IL17RE: variants seen among roughly 807,000 people sequenced by gnomAD.
The protein encoded by IL17RE is interleukin 17 receptor E, also known as interleukin-17 receptor E.
In IL17RE, 47 loss-of-function variants were observed where a neutral mutation model predicts 70.7. The observed-to-expected ratio is 0.67, with a 90% confidence interval of 0.53 to 0.85. IL17RE has a LOEUF of 0.85. Ranked by LOEUF, IL17RE falls within the 40% of genes least tolerant of loss-of-function variation. The pLI is 0.00. For missense variants in IL17RE, 850 were observed against 893.9 expected, an observed-to-expected ratio of 0.95 and a Z score of 0.63; for synonymous variants, 372 against 381.2, an observed-to-expected ratio of 0.98 and a Z score of 0.28.
At chr3:9,903,883 G>A (rs1559266118) in intron 2 of IL17RE, 149 bp from the exon 3 acceptor site, 8 of 920,820 alleles carry the variant, frequency 8.7e-6, no homozygotes, top group Non-Finnish European at 6.7e-6. Flanking sequence ...CCCGCTTTAT[G>A]AATGAGGAAT....
At chr3:9,907,871 A>G (rs2125079651) in intron 6 of IL17RE, among the ~76,000 whole-genome samples, 1 of 152,234 alleles carries the variant, frequency 6.6e-6, no homozygotes, top group Admixed American at 6.5e-5. Context: ...ACTGCTGTTG[A>G]ACCCCTGAGG....
At chr3:9,907,245 A>T (rs2082781390) in intron 6 of IL17RE, 145 bp downstream of exon 6, 1 of 1,121,760 alleles carries the variant, frequency 8.9e-7, no homozygotes. Flanking sequence ...TCTATCATTA[A>T]GACTTCTTTG....
intron 15 of IL17RE, among the ~76,000 whole-genome samples, 194 bp downstream of exon 15, chr3:9,914,971 T>A (rs1316264982): frequency 1.6e-4 from 25 of 152,250 alleles, no homozygotes; most frequent in Admixed American, 1.6e-3. Context: ...GTCACTGTAC[T>A]GAGTCTCTGT....
rs866282561 is a variant in IL17RE, at chr3:9,914,752, C to G, written c.1422C>G (p.Ala474=). Residue 474 remains alanine (A), a synonymous_variant, in exon 15 of 16, where the codon GCC becomes GCG. Coordinates refer to ENST00000383814, the MANE Select transcript of IL17RE (RefSeq NM_153480.2). ...TCACCCTACTGGGTGTTGTTCTGGC[C>G]CTCACCTGCCGGCGCCCACAGTCAG... The part of the protein sequence containing the change: ...ALLTLLGVVL[A]LTCRRPQSGP... The G allele has an allele frequency of 6.2e-7, 1 of 1,613,788 alleles. No individual in the cohort carries two copies. The highest frequency in any genetic ancestry group is 1.3e-5 in the African/African-American group (1 of 74,884).
chr3:9,913,171 G>C (rs1311407961), intron 12 of IL17RE, among the ~76,000 whole-genome samples: 1 of 152,144 alleles, frequency 6.6e-6, no homozygotes, highest in Non-Finnish European at 1.5e-5. Context: ...TTGGGAGGCT[G>C]AGGAGGGCAG....
In IL17RE at chr3:9,904,184, T is replaced by A. The variant is rs763116713; in HGVS notation, c.268+33T>A. 3.7e-6 allele frequency: 6 copies of A among 1,609,294 alleles called. No individual in the cohort carries two copies. The South Asian group carries it at 5.5e-5, about 15-fold the overall frequency. On this transcript the variant is annotated intron_variant, in intron 3 of 15. Coordinates refer to ENST00000383814, the MANE Select transcript of IL17RE (RefSeq NM_153480.2). ...AAACAGCCCCTTGGGCCATTCTCAGTGAAGAGAACATTTTGAGGGACCACC... is the reference window on the plus strand; with the variant it reads ...AAACAGCCCCTTGGGCCATTCTCAGAGAAGAGAACATTTTGAGGGACCACC...
chr3:9,912,794 A>G (rs927182146), intron 12 of IL17RE, among the ~76,000 whole-genome samples: 4 of 152,194 alleles, frequency 2.6e-5, no homozygotes, highest in African/African-American at 9.7e-5. Flanking sequence ...GTGTGAGCTC[A>G]GGAGTCCAAG....
At position 9,915,510 on chromosome 3, in the gene IL17RE, C is replaced by T; in HGVS notation, c.1707C>T (p.Gly569=). Residue 569 remains glycine (G), a synonymous_variant, in exon 16 of 16, where the codon GGC becomes GGT. Transcript: ENST00000383814. This position sits in a 1 kb window ranked among gnomAD's most constrained non-coding sequence, Gnocchi z 4.9. ...WSGADLRPVS[G]PDPRAAPLLA... is the part of the protein sequence containing the mutation. The stretch of plus-strand genomic sequence containing the variant: ...GCGCCGACCTTCGCCCGGTCAGCGG[C>T]CCCGACCCCCGCGCCGCGCCCCTGC... 7.6e-7 allele frequency: 1 copy of T among 1,316,474 alleles called. No individual in the cohort carries two copies. The allele number at this position is 1,316,474 out of a possible 1,614,324, so 81.5% of individuals were successfully genotyped here.
At chr3:9,904,597 C>G (rs955680960) in intron 3 of IL17RE, among the ~76,000 whole-genome samples, 2 of 152,108 alleles carry the variant, frequency 1.3e-5, no homozygotes, top group African/African-American at 2.4e-5. Flanking sequence ...CCAGTCTGGA[C>G]AACATTGTGA....
At position 9,905,861 on chromosome 3, in the gene IL17RE, T is replaced by G. The variant is rs116522752; in HGVS notation, c.269-503T>G. ...AAGAATGCTAAAATGAATATCTTTG[T>G]ATATATAGCTTTTTCTCTGCTTAAG... is the stretch of plus-strand genomic sequence containing the variant. On this transcript the variant is annotated intron_variant, in intron 3 of 15. Transcript: ENST00000383814. Among the ~76,000 whole-genome samples the G allele has an allele frequency of 2.4e-3, 364 of 152,270 alleles. 1 individual carries two copies. Among genetic ancestry groups the G allele is most frequent in the African/African-American group, 7.6e-3 (318 of 41,572 alleles).
rs200239900 is a variant in IL17RE, at chr3:9,914,042, C to A, written c.1296+18C>A. ...GTGTCCTGGTAAGGAAACCTACCCT[C>A]ACTCTACATACAGAGCCTTGGCATC... is the stretch of plus-strand genomic sequence containing the variant. On this transcript the variant is annotated intron_variant, in intron 13 of 15. Coordinates refer to ENST00000383814, the MANE Select transcript of IL17RE (RefSeq NM_153480.2). The A allele has an allele frequency of 6.3e-6, 10 of 1,590,082 alleles. No homozygotes were observed. The African/African-American group carries it at 9.4e-5, about 15-fold the overall frequency.
In IL17RE at chr3:9,914,762, C is replaced by G. The variant is rs368250337; in HGVS notation, c.1432C>G (p.Arg478Gly). The part of the protein sequence containing the change: ...LLGVVLALTC[R>G]RPQSGPGPAR... Reference sequence around the variant, plus strand: ...GGGTGTTGTTCTGGCCCTCACCTGCCGGCGCCCACAGTCAGGTAAGCTCAC... The same window carrying G: ...GGGTGTTGTTCTGGCCCTCACCTGCGGGCGCCCACAGTCAGGTAAGCTCAC... Residue 478 changes from arginine to glycine, a missense_variant, in exon 15 of 16, where the codon CGG (arginine) becomes GGG (glycine). By Grantham distance (125) the Arg-to-Gly change is moderately radical. Transcript: ENST00000383814. The G allele has an allele frequency of 9.3e-6, 15 of 1,613,682 alleles. No individual in the cohort carries two copies. Among genetic ancestry groups the G allele is most frequent in the Non-Finnish European group, 1.2e-5 (14 of 1,179,974 alleles).
chr3:9,907,194 A>G (rs979753576), intron 6 of IL17RE, 94 bp downstream of exon 6: 40 of 1,505,834 alleles, frequency 2.7e-5, no homozygotes, highest in Non-Finnish European at 3.6e-5. Context: ...AGGCCCAGAG[A>G]GGGATGGTAA....
In IL17RE at chr3:9,914,676, C is replaced by T. The variant is rs1249451099; in HGVS notation, c.1349-3C>T. Reference sequence around the variant, plus strand: ...GGGCTTGGCCTCATCCTGCTTGACTCAGTCTCTTACAGACACCTGGGGCTC... The same window carrying T: ...GGGCTTGGCCTCATCCTGCTTGACTTAGTCTCTTACAGACACCTGGGGCTC... On this transcript the variant is annotated splice_polypyrimidine_tract_variant and splice_region_variant and intron_variant, in intron 14 of 15. Coordinates refer to ENST00000383814, the MANE Select transcript of IL17RE (RefSeq NM_153480.2). The T allele has an allele frequency of 3.1e-6, 5 of 1,613,928 alleles. 1 individual carries two copies. The African/African-American group carries it at 4.0e-5, about 13-fold the overall frequency.
Position 9,915,136 on chromosome 3 carries a change from GGGCGGGGGC to G in IL17RE, c.1448-112_1448-104del. Reference sequence around the variant, plus strand: ...GGTACCAACCCCCAGAGCAAATAAGGGGCGGGGGCGGGGGCGGAGAGGCGAGCACCCTAC... The same window carrying G: ...GGTACCAACCCCCAGAGCAAATAAGGGGGGGCGGAGAGGCGAGCACCCTAC... On this transcript the variant is annotated intron_variant, in intron 15 of 15. Coordinates refer to ENST00000383814, the MANE Select transcript of IL17RE (RefSeq NM_153480.2). The surrounding 1 kb of genome is among the most constrained non-coding windows in gnomAD (Gnocchi z 4.9). 7.8e-7 allele frequency: 1 copy of G among 1,285,772 alleles called. No individual in the cohort carries two copies. Among genetic ancestry groups the G allele is most frequent in the Non-Finnish European group, 9.8e-7 (1 of 1,016,980 alleles). 79.6% of individuals were successfully genotyped at this position (1,285,772 alleles called of 1,614,324 possible). A position where few individuals can be genotyped will look rare whatever the true frequency, so the allele number is the denominator to read the frequency against.
At chr3:9,902,556 G>T (rs1398096757), upstream of IL17RE, 18 of 1,405,134 alleles carry the variant, frequency 1.3e-5, no homozygotes, top group African/African-American at 2.6e-4. Context: ...ACAAGTTCCA[G>T]AGTGTGCTGA....
rs1026570305 is a variant in IL17RE, at chr3:9,915,465, T to G, written c.1662T>G (p.Thr554=). The change falls in exon 16 of 16, where the codon ACT becomes ACG. Residue 554 remains threonine, a synonymous_variant. Transcript: ENST00000383814. The surrounding 1 kb of genome is among the most constrained non-coding windows in gnomAD (Gnocchi z 4.9). ...CGCGCGTAGCGCGGGAGCAGGGCAC[T>G]GTGCTGCTGCTGTGGAGCGGCGCCG... ...ARTRVAREQG[T]VLLLWSGADL... is the part of the protein sequence containing the mutation. 40 of 1,340,748 alleles carry G rather than the reference T, an allele frequency of 3.0e-5. 2 individuals carry two copies. In the Admixed American group the frequency reaches 7.6e-4, roughly 25 times the overall value. The allele number at this position is 1,340,748 out of a possible 1,614,324, so 83.1% of individuals were successfully genotyped here.
chr3:9,904,006 T>C, intron 2 of IL17RE, 26 bp from the exon 3 acceptor site: 4 of 1,613,780 alleles, frequency 2.5e-6, no homozygotes, highest in Non-Finnish European at 2.5e-6. Flanking sequence ...GACCCTATCA[T>C]TTGCTTTCCC....
chr3:9,905,610 G>A (rs1291924826), intron 3 of IL17RE, among the ~76,000 whole-genome samples: 1 of 151,712 alleles, frequency 6.6e-6, no homozygotes, highest in Non-Finnish European at 1.5e-5. Context: ...CTTGAGATCA[G>A]GAGATCGAGA....
Sources: allele counts gnomAD v4.1 joint callset (sites outside exome capture counted in the v4.1 genomes callset), GRCh38; gene constraint gnomAD v4.1.1; non-coding constraint Gnocchi (gnomAD v3.1); transcripts MANE v1.5; gene names NCBI Gene and HGNC (gene_info 2026-07-23, HGNC 2026-07-21).